The following FBXO33 variants were observed in gnomAD, a reference collection of about 807,000 sequenced individuals.
The protein encoded by FBXO33 is F-box protein 33, also known as F-box only protein 33.
A neutral mutation model predicts 46.3 loss-of-function variants in FBXO33; 22 were observed. The ratio of observed to expected loss-of-function variants is 0.48; its 90% CI spans 0.34 to 0.68. FBXO33 has a LOEUF of 0.68. Ranked by LOEUF, FBXO33 falls within the 30% of genes least tolerant of loss-of-function variation. The pLI is 0.01. For synonymous variants in FBXO33, 337 were observed against 291.3 expected (o/e 1.16, Z -1.60); for missense variants, 692 against 708.8 (o/e 0.98, Z 0.27).
intron 1 of FBXO33, among the ~76,000 whole-genome samples, chr14:39,416,896 T>C (rs751909448): frequency 1.3e-5 from 2 of 152,214 alleles, no homozygotes; most frequent in African/African-American, 2.4e-5. Context: ...TTTTCTTGAT[T>C]TTCCATGTTC....
intron 3 of FBXO33, 140 bp from the exon 4 acceptor site, chr14:39,399,927 G>T: frequency 1.1e-6 from 1 of 937,268 alleles, no homozygotes; most frequent in Non-Finnish European, 1.5e-6. Context: ...TTTTCCTTTA[G>T]AAATATATTG....
intron 1 of FBXO33, among the ~76,000 whole-genome samples, chr14:39,414,042 G>A (rs1254854412): frequency 1.3e-5 from 2 of 152,168 alleles, no homozygotes; most frequent in African/African-American, 4.8e-5. Flanking sequence ...GTCAGGTATT[G>A]GCTTGTCTCT....
chr14:39,428,150 A>C (rs2075524918), intron 1 of FBXO33, among the ~76,000 whole-genome samples: 1 of 151,862 alleles, frequency 6.6e-6, no homozygotes, highest in Non-Finnish European at 1.5e-5. Flanking sequence ...CAGAATCTTA[A>C]AAAGAAAATC....
intron 1 of FBXO33, among the ~76,000 whole-genome samples, chr14:39,417,536 A>ATT (rs34235810): frequency 2.7e-4 from 40 of 149,076 alleles, no homozygotes; most frequent in South Asian, 1.7e-3. Context: ...AAGTATTGTT[A>ATT]TTTTTTTTTT....
chr14:39,400,858 G>A (rs2075365450), intron 3 of FBXO33, among the ~76,000 whole-genome samples: 1 of 152,178 alleles, frequency 6.6e-6, no homozygotes, highest in Non-Finnish European at 1.5e-5. Context: ...TTAAGGGGTC[G>A]TGTGATTAGA....
At chr14:39,403,018 C>T (rs1381706111) in intron 1 of FBXO33, among the ~76,000 whole-genome samples, 1 of 152,082 alleles carries the variant, frequency 6.6e-6, no homozygotes, top group Non-Finnish European at 1.5e-5. Flanking sequence ...GTGCGTGAGA[C>T]TCAATTCTTC....
intron 1 of FBXO33, among the ~76,000 whole-genome samples, chr14:39,425,229 G>A (rs1216800974): frequency 6.6e-6 from 1 of 152,168 alleles, no homozygotes; most frequent in Non-Finnish European, 1.5e-5. Context: ...TTTCAGGCCT[G>A]ATGACCTTGT....
In FBXO33 at chr14:39,432,424, G is replaced by C. The variant is rs891762157; in HGVS notation, c.-262C>G. 4 of 219,792 alleles carry C rather than the reference G, an allele frequency of 1.8e-5. No individual in the cohort carries two copies. Among genetic ancestry groups the C allele is most frequent in the Admixed American group, 5.8e-5 (1 of 17,182 alleles). 13.6% of individuals were successfully genotyped at this position (219,792 alleles called of 1,614,324 possible). A position where few individuals can be genotyped will look rare whatever the true frequency, so the allele number is the denominator to read the frequency against. On this transcript the variant is annotated 5_prime_UTR_variant, in exon 1 of 4. Transcript: ENST00000298097. Reference sequence around the variant, plus strand: ...CTCCCTGCGCCGGTCGGCAGAGACAGAGAAGTGGTAGGAGCTGAGTTTGAC... The same window carrying C: ...CTCCCTGCGCCGGTCGGCAGAGACACAGAAGTGGTAGGAGCTGAGTTTGAC...
chr14:39,401,120 AGAAAAT>A, intron 3 of FBXO33, 50 bp downstream of exon 3: 1 of 1,479,752 alleles, frequency 6.8e-7, no homozygotes, highest in Non-Finnish European at 9.1e-7. Context: ...CTTTACTGGC[AGAAAAT>A]GTTTTCGGTC....
intron 1 of FBXO33, among the ~76,000 whole-genome samples, chr14:39,425,218 ATTTC>A (rs1265273930): frequency 3.3e-5 from 5 of 152,142 alleles, no homozygotes; most frequent in Non-Finnish European, 7.4e-5. Context: ...AGTGCTTGAG[ATTTC>A]AGGCCTGATG....
At position 39,399,603 on chromosome 14, in the gene FBXO33, T is replaced by G. The variant is rs773152493; in HGVS notation, c.1581A>C (p.Ala527=). The change falls in exon 4 of 4, where the codon GCA becomes GCC. Residue 527 remains alanine (A), a synonymous_variant. Transcript: ENST00000298097. ...VSLGLGQPWH[A]VMDIESLSVF... ...CACTGAGTGATTCGATGTCCATGAC[T>G]GCATGCCAAGGTTGACCCAGGCCCA... 9 of 1,613,886 alleles carry G rather than the reference T, an allele frequency of 5.6e-6. No homozygotes were observed. Among genetic ancestry groups the G allele is most frequent in the Non-Finnish European group, 6.8e-6 (8 of 1,179,912 alleles).
In FBXO33 at chr14:39,401,852, T is replaced by G; in HGVS notation, c.720A>C (p.Gln240His). The G allele has an allele frequency of 3.1e-6, 5 of 1,609,810 alleles. No individual in the cohort carries two copies. The highest frequency in any genetic ancestry group is 4.2e-6 in the Non-Finnish European group (5 of 1,177,624). The change falls in exon 3 of 4, where the codon CAA becomes CAC. Residue 240 changes from glutamine (Q) to histidine (H), a missense_variant. Coordinates refer to ENST00000298097, the MANE Select transcript of FBXO33 (RefSeq NM_203301.4). ...PDGKKIKQIQ[Q>H]LFEEILSNSR... ...TATTACTCAGGATTTCTTCAAACAGTTGCTGAATTCTATAAGGAAAACACA... is the reference window on the plus strand; with the variant it reads ...TATTACTCAGGATTTCTTCAAACAGGTGCTGAATTCTATAAGGAAAACACA...
intron 1 of FBXO33, among the ~76,000 whole-genome samples, chr14:39,424,768 G>A (rs1327678435): frequency 6.6e-6 from 1 of 152,208 alleles, no homozygotes; most frequent in Non-Finnish European, 1.5e-5. Context: ...AAGTATGTAT[G>A]TTAAGGCTGG....
rs370528873 is a variant in FBXO33 at position 39,402,049 on chromosome 14, T to G, written c.711-188A>C. The stretch of plus-strand genomic sequence containing the variant: ...ATTAAAATATAATGAATAAGGTATA[T>G]TAAACATAAAGATCTATTAAACACG... On this transcript the variant is annotated intron_variant, in intron 2 of 3. Transcript: ENST00000298097. Among the ~76,000 whole-genome samples, 100 of 152,308 alleles carry G rather than the reference T, an allele frequency of 6.6e-4. 1 individual carries two copies. In the South Asian group the frequency reaches 0.019, roughly 29 times the overall value.
intron 1 of FBXO33, among the ~76,000 whole-genome samples, chr14:39,411,384 G>T (rs543264622): frequency 6.6e-6 from 1 of 151,534 alleles, no homozygotes; most frequent in East Asian, 2.0e-4. Flanking sequence ...GAGCCACTGC[G>T]CCTGGCCTTT....
chr14:39,428,904 T>C (rs1463635541), intron 1 of FBXO33, among the ~76,000 whole-genome samples: 1 of 152,206 alleles, frequency 6.6e-6, no homozygotes, highest in Non-Finnish European at 1.5e-5. Context: ...TTACTATTAA[T>C]GAAGAAGACA....
intron 1 of FBXO33, among the ~76,000 whole-genome samples, chr14:39,411,038 G>A (rs760591877): frequency 6.6e-6 from 1 of 151,890 alleles, no homozygotes; most frequent in Admixed American, 6.6e-5. Flanking sequence ...CTAACTTGGG[G>A]CTTTGAACAT....
chr14:39,399,901 C>T (rs1476430211), intron 3 of FBXO33, 114 bp from the exon 4 acceptor site: 16 of 1,205,152 alleles, frequency 1.3e-5, no homozygotes, highest in Admixed American at 3.1e-5. Flanking sequence ...TTGTATCTCA[C>T]TTACCGTTTT....
intron 1 of FBXO33, among the ~76,000 whole-genome samples, chr14:39,427,221 G>C (rs565191686): frequency 6.6e-5 from 10 of 152,008 alleles, no homozygotes; most frequent in Non-Finnish European, 1.3e-4. Flanking sequence ...TCTATCAGTT[G>C]CCAATACAGC....
Sources: allele counts gnomAD v4.1 joint callset (sites outside exome capture counted in the v4.1 genomes callset), GRCh38; gene constraint gnomAD v4.1.1; transcripts MANE v1.5; gene names NCBI Gene and HGNC (gene_info 2026-07-23, HGNC 2026-07-21).